FMN2: variants seen among roughly 807,000 people sequenced by gnomAD.
FMN2 encodes the protein formin-2.
A neutral mutation model predicts 142.3 loss-of-function variants in FMN2; 51 were observed. The ratio of observed to expected loss-of-function variants is 0.36; its 90% confidence interval spans 0.29 to 0.45. The LOEUF is 0.45. FMN2 is among the 20% of genes least tolerant of loss of function. FMN2 has a pLI of 1.00. For missense variants in FMN2, 1,936 were observed against 2,122.8 expected (o/e 0.91, Z 1.73); for synonymous variants, 882 against 869.8 (o/e 1.01, Z -0.25).
At chr1:240,351,193 T>C (rs1301953873) in intron 13 of FMN2, among the ~76,000 whole-genome samples, 2 of 152,346 alleles carry the variant, frequency 1.3e-5, no homozygotes, top group African/African-American at 4.8e-5. Flanking sequence ...TTTGTGTGAC[T>C]ATATCCAGCA....
intron 6 of FMN2, among the ~76,000 whole-genome samples, chr1:240,248,296 T>C (rs1302262277): frequency 2.0e-5 from 3 of 152,154 alleles, no homozygotes; most frequent in Middle Eastern, 3.4e-3. Flanking sequence ...TCCGTGTTGC[T>C]GCAAATGACA....
chr1:240,283,684 G>A (rs948349156), intron 7 of FMN2, among the ~76,000 whole-genome samples: 1 of 152,180 alleles, frequency 6.6e-6, no homozygotes, highest in East Asian at 1.9e-4. Context: ...TTATACAATA[G>A]AGGGAGTAGC....
chr1:240,205,198 C>T (rs1337345530), intron 4 of FMN2, among the ~76,000 whole-genome samples: 1 of 152,000 alleles, frequency 6.6e-6, no homozygotes, highest in East Asian at 1.9e-4. Flanking sequence ...TTGCAGGAAA[C>T]CCTGGAACAC....
At chr1:240,435,052 A>G (rs1284400043) in intron 15 of FMN2, among the ~76,000 whole-genome samples, 1 of 152,128 alleles carries the variant, frequency 6.6e-6, no homozygotes. Flanking sequence ...TGCCAATAAT[A>G]AGGTTCACAT....
chr1:240,093,625 G>C lies in FMN2; in HGVS notation c.1516G>C (p.Gly506Arg). The change falls in exon 1 of 18, where the codon GGG (glycine) becomes CGG (arginine). Residue 506 changes from glycine (G) to arginine (R), a missense_variant. By Grantham distance (125) the Gly-to-Arg change is moderately radical. Around this residue, in one of 8 missense-constraint regions of FMN2, gnomAD observed 751 missense variants for 791.8 expected, o/e 0.95. Coordinates refer to ENST00000319653, the MANE Select transcript of FMN2 (RefSeq NM_020066.5). ...VGGSAHLLER[G>R]VASDSGGGVS... ...AGGCTCCGCGCACCTGCTGGAGCGC[G>C]GGGTGGCGAGTGACAGCGGCGGTGG... 1 of 1,423,858 alleles carries C rather than the reference G, an allele frequency of 7.0e-7. No individual in the cohort carries two copies. The highest frequency in any genetic ancestry group is 9.1e-7 in the Non-Finnish European group (1 of 1,100,472). 88.2% of individuals were successfully genotyped at this position (1,423,858 alleles called of 1,614,324 possible).
chr1:240,125,538 A>G (rs535108757), intron 2 of FMN2, among the ~76,000 whole-genome samples: 1 of 152,318 alleles, frequency 6.6e-6, no homozygotes, highest in Non-Finnish European at 1.5e-5. Flanking sequence ...GCAAGTTGGA[A>G]CTATAATTAG....
rs183769444 is a variant in FMN2, at chr1:240,190,269, G to C, written c.1986+2007G>C. On this transcript the variant is annotated intron_variant, in intron 4 of 17. Transcript: ENST00000319653. ...ATCCTTGTTGACAGTGAAGTGTCTGGAAGTCAGGAAAATTAATTGAGAGGG... is the reference window on the plus strand; with the variant it reads ...ATCCTTGTTGACAGTGAAGTGTCTGCAAGTCAGGAAAATTAATTGAGAGGG... Among the ~76,000 whole-genome samples the C allele has an allele frequency of 3.9e-5, 6 of 152,298 alleles. No homozygotes were observed. The South Asian group carries it at 1.2e-3, about 32-fold the overall frequency.
At chr1:240,352,278 C>T (rs770354537) in intron 13 of FMN2, among the ~76,000 whole-genome samples, 2 of 152,142 alleles carry the variant, frequency 1.3e-5, no homozygotes, top group East Asian at 1.9e-4. Flanking sequence ...GATAGTTGAT[C>T]GATATCTGTG....
intron 15 of FMN2, among the ~76,000 whole-genome samples, chr1:240,393,027 A>T (rs914839337): frequency 6.6e-6 from 1 of 151,994 alleles, no homozygotes; most frequent in Non-Finnish European, 1.5e-5. Context: ...TTCTGCCTCC[A>T]TTTTCTCTTC....
At chr1:240,228,330 AAAGAAAAAGAAAAAGAAAAAGAAAG>A (rs1558380513) in intron 6 of FMN2, among the ~76,000 whole-genome samples, 20 of 67,444 alleles carry the variant, frequency 3.0e-4, no homozygotes, top group African/African-American at 1.6e-3. Context: ...AAAAAAAAAA[AAAGAAAAAGAAAAAGAAAAAGAAAG>A]AAAAAAAATG....
chr1:240,133,054 C>A (rs2103236723), intron 2 of FMN2, among the ~76,000 whole-genome samples: 1 of 152,334 alleles, frequency 6.6e-6, no homozygotes, highest in Non-Finnish European at 1.5e-5. Context: ...CACTGCCAAG[C>A]ATTCTAAATG....
At chr1:240,231,084 TA>T (rs1667512034) in intron 6 of FMN2, among the ~76,000 whole-genome samples, 1 of 131,900 alleles carries the variant, frequency 7.6e-6, no homozygotes, top group Non-Finnish European at 1.6e-5. Context: ...TGTTGTGTTG[TA>T]AGTAAAAACT....
intron 14 of FMN2, 45 bp downstream of exon 14, chr1:240,355,953 A>T (rs769618223): frequency 9.8e-6 from 1 of 101,750 alleles, no homozygotes. Flanking sequence ...CCTTTCAGCA[A>T]AAAAAAAAAA....
chr1:240,193,960 A>G (rs1449397728), intron 4 of FMN2, among the ~76,000 whole-genome samples: 1 of 152,206 alleles, frequency 6.6e-6, no homozygotes, highest in Non-Finnish European at 1.5e-5. Flanking sequence ...CTCAGTCTTC[A>G]GCGTTATCAC....
Position 240,362,566 on chromosome 1 carries a change from A to C in FMN2, c.4858+6658A>C, listed in dbSNP as rs139594405. Among the ~76,000 whole-genome samples, 795 of 152,298 alleles carry C rather than the reference A, an allele frequency of 5.2e-3. 5 individuals are homozygous for C. Among genetic ancestry groups the C allele is most frequent in the South Asian group, 0.019 (93 of 4,826 alleles). On this transcript the variant is annotated intron_variant, in intron 14 of 17. Coordinates refer to ENST00000319653, the MANE Select transcript of FMN2 (RefSeq NM_020066.5). ...AATTTGTAGTTTGGACAAAGTATAC[A>C]CACAAAAAACATATTATCGCTGAAC...
rs1254385346 is a variant in FMN2 at position 240,361,123 on chromosome 1, TAATA to T, written c.4858+5224_4858+5227del. Among the ~76,000 whole-genome samples, 12 of 72,224 alleles carry T rather than the reference TAATA, an allele frequency of 1.7e-4. 1 individual carries two copies. The highest frequency in any genetic ancestry group is 5.0e-4 in the African/African-American group (9 of 18,090). 47.4% of individuals were successfully genotyped at this position (72,224 alleles called of 152,430 possible). On this transcript the variant is annotated intron_variant, in intron 14 of 17. Coordinates refer to ENST00000319653, the MANE Select transcript of FMN2 (RefSeq NM_020066.5). ...TACCCTAGAACTTAAAGTATAATAATAATAAATAAATATATGTGTATATATATAT... is the reference window on the plus strand; with the variant it reads ...TACCCTAGAACTTAAAGTATAATAATAATAAATATATGTGTATATATATAT...
chr1:240,186,559 G>T (rs146090499), intron 3 of FMN2, among the ~76,000 whole-genome samples: 2 of 152,206 alleles, frequency 1.3e-5, no homozygotes, highest in Non-Finnish European at 2.9e-5. Flanking sequence ...GGGTGGGGTC[G>T]CTGCTTGAGC....
At chr1:240,177,427 C>T (rs1253022415) in intron 2 of FMN2, among the ~76,000 whole-genome samples, 8 of 151,558 alleles carry the variant, frequency 5.3e-5, no homozygotes, top group Non-Finnish European at 1.0e-4. Context: ...AGTTTCCAAC[C>T]TGGACCCCAG....
chr1:240,387,134 C>T lies in FMN2; in HGVS notation c.4859-5377C>T, dbSNP rs185468663. On this transcript the variant is annotated intron_variant, in intron 14 of 17. Transcript: ENST00000319653. ...ATTCTCTGAATATTGTCATTATAAACCACTTTTCATTGTTGCCTTTTTTCT... is the reference window on the plus strand; with the variant it reads ...ATTCTCTGAATATTGTCATTATAAATCACTTTTCATTGTTGCCTTTTTTCT... 7.9e-4 allele frequency among the ~76,000 whole-genome samples: 121 copies of T among 152,292 alleles called. 1 individual carries two copies. The highest frequency in any genetic ancestry group is 6.6e-4 in the Non-Finnish European group (45 of 68,026).
Sources: allele counts gnomAD v4.1 joint callset (sites outside exome capture counted in the v4.1 genomes callset), GRCh38; gene constraint gnomAD v4.1.1; regional missense constraint gnomAD v4.1.1; transcripts MANE v1.5; gene names NCBI Gene and HGNC (gene_info 2026-07-23, HGNC 2026-07-21).